The following DCDC1 variants were observed in gnomAD, a reference collection of about 807,000 sequenced individuals.
The protein encoded by DCDC1 is doublecortin domain-containing protein 1.
Under a neutral mutation model 178.3 loss-of-function variants are expected in DCDC1, and 200 were observed. The observed-to-expected ratio is 1.12, with a 90% CI of 1.00 to 1.26. DCDC1 has a LOEUF of 1.26. Among genes scored for constraint, DCDC1 ranks in the 50% most tolerant of loss-of-function variants. The pLI is 0.00. For missense variants in DCDC1, 1,983 were observed against 1,749.2 expected, an observed-to-expected ratio of 1.13 and a Z score of -2.38; for synonymous variants, 690 against 604.8, an observed-to-expected ratio of 1.14 and a Z score of -2.07.
At chr11:31,280,467 G>A (rs948362911) in intron 7 of DCDC1, among the ~76,000 whole-genome samples, 20 of 152,076 alleles carry the variant, frequency 1.3e-4, no homozygotes, top group Non-Finnish European at 2.6e-4. Context: ...TACTGAATTC[G>A]AATTACTATT....
chr11:31,308,367 C>T (rs1948582580), intron 3 of DCDC1, among the ~76,000 whole-genome samples: 1 of 152,212 alleles, frequency 6.6e-6, no homozygotes, highest in Non-Finnish European at 1.5e-5. Context: ...CCTCAAGAAA[C>T]TTGCAAACAA....
chr11:31,350,514 T>C (rs2133292364), intron 1 of DCDC1, among the ~76,000 whole-genome samples: 1 of 152,218 alleles, frequency 6.6e-6, no homozygotes, highest in East Asian at 1.9e-4. Flanking sequence ...CATATCCAAT[T>C]ATCTTGAAAA....
chr11:30,900,881 A>G (rs1944613416), intron 32 of DCDC1, among the ~76,000 whole-genome samples: 1 of 152,146 alleles, frequency 6.6e-6, no homozygotes, highest in Non-Finnish European at 1.5e-5. Flanking sequence ...TTTTAAATGA[A>G]TAATAATATC....
Position 31,000,730 on chromosome 11 carries a change from T to A in DCDC1, c.2592-48162A>T, listed in dbSNP as rs535156922. On this transcript the variant is annotated intron_variant, in intron 20 of 38. Coordinates refer to ENST00000684477, the MANE Select transcript of DCDC1 (RefSeq NM_001387274.1). ...ATTGTTTTTTTTCTAATACTATGTTTAAAAAAAAAAGCATGTCCAGGACTG... is the reference window on the plus strand; with the variant it reads ...ATTGTTTTTTTTCTAATACTATGTTAAAAAAAAAAAGCATGTCCAGGACTG... 3.4e-5 allele frequency among the ~76,000 whole-genome samples: 5 copies of A among 147,888 alleles called. No individual in the cohort carries two copies. In the South Asian group the frequency reaches 1.1e-3, roughly 32 times the overall value.
At chr11:30,925,646 T>A (rs553529044) in intron 22 of DCDC1, among the ~76,000 whole-genome samples, 9 of 152,148 alleles carry the variant, frequency 5.9e-5, no homozygotes, top group Non-Finnish European at 1.3e-4. Context: ...CCTTCCAGGG[T>A]TTCTGTGAAG....
chr11:31,141,508 C>A (rs1963827628), intron 9 of DCDC1, among the ~76,000 whole-genome samples: 1 of 151,974 alleles, frequency 6.6e-6, no homozygotes, highest in African/African-American at 2.4e-5. Context: ...ATCAACATGA[C>A]CCAACAAGAA....
chr11:31,055,368 T>C (rs972124547), intron 20 of DCDC1, among the ~76,000 whole-genome samples: 4 of 152,172 alleles, frequency 2.6e-5, no homozygotes, highest in African/African-American at 9.7e-5. Flanking sequence ...AGGGAACACT[T>C]CTACACTGCT....
intron 36 of DCDC1, among the ~76,000 whole-genome samples, chr11:30,888,086 A>AG (rs1565029482): frequency 9.8e-5 from 11 of 112,770 alleles, no homozygotes; most frequent in African/African-American, 1.4e-4. Flanking sequence ...GAGAGAGAGA[A>AG]AGAAAGAAAG....
chr11:31,195,627 G>C (rs774819818), intron 9 of DCDC1, among the ~76,000 whole-genome samples: 44 of 151,966 alleles, frequency 2.9e-4, no homozygotes, highest in Admixed American at 6.6e-4. Context: ...GGATCCCTTG[G>C]TTTTTCTTTC....
chr11:30,919,786 C>A (rs1946119440), intron 25 of DCDC1, among the ~76,000 whole-genome samples: 1 of 152,200 alleles, frequency 6.6e-6, no homozygotes, highest in South Asian at 2.1e-4. Flanking sequence ...AAATTAGTTT[C>A]ACAATTATTG....
chr11:31,123,646 G>A (rs888902179), intron 11 of DCDC1, among the ~76,000 whole-genome samples: 1 of 151,968 alleles, frequency 6.6e-6, no homozygotes, highest in Non-Finnish European at 1.5e-5. Context: ...TGTGGAAGAG[G>A]AACTTATTTT....
chr11:30,943,476 T>C, intron 21 of DCDC1: 1 of 320,518 alleles, frequency 3.1e-6, no homozygotes, highest in Admixed American at 4.1e-5. Flanking sequence ...TTAATTTAGA[T>C]ACTTTAAAAT....
chr11:31,100,693 A>G lies in DCDC1; in HGVS notation c.1983+1484T>C, dbSNP rs1387047044. 2.0e-5 allele frequency among the ~76,000 whole-genome samples: 3 copies of G among 152,208 alleles called. No individual in the cohort carries two copies. In the East Asian group the frequency reaches 5.8e-4, roughly 29 times the overall value. On this transcript the variant is annotated intron_variant, in intron 15 of 38. Coordinates refer to ENST00000684477, the MANE Select transcript of DCDC1 (RefSeq NM_001387274.1). The stretch of plus-strand genomic sequence containing the variant: ...TGTAATGTACAGTATACAGAGCAAG[A>G]GGAGAAAATTGGAAAGGTAAGTTGA...
At chr11:30,979,795 G>A (rs1160543244) in intron 20 of DCDC1, among the ~76,000 whole-genome samples, 1 of 152,184 alleles carries the variant, frequency 6.6e-6, no homozygotes, top group Non-Finnish European at 1.5e-5. Context: ...GTTCAAGTGT[G>A]ACTGTCATAA....
Position 31,137,676 on chromosome 11 carries a change from A to T in DCDC1, c.1314+16T>A. On this transcript the variant is annotated intron_variant, in intron 10 of 38. Transcript: ENST00000684477. ...ATTGCAGTTTTAAAATACAGTTTAC[A>T]AAGTAATTTCCTTACTTCTTCCTGT... is the stretch of plus-strand genomic sequence containing the variant. 1.4e-6 allele frequency: 1 copy of T among 701,970 alleles called. No homozygotes were observed. Among genetic ancestry groups the T allele is most frequent in the South Asian group, 1.5e-5 (1 of 67,426 alleles). The allele number at this position is 701,970 out of a possible 1,614,324, so 43.5% of individuals were successfully genotyped here. A position where few individuals can be genotyped will look rare whatever the true frequency, so the allele number is the denominator to read the frequency against.
At chr11:30,948,418 G>T (rs1161598324) in intron 21 of DCDC1, among the ~76,000 whole-genome samples, 2 of 152,100 alleles carry the variant, frequency 1.3e-5, no homozygotes, top group African/African-American at 4.8e-5. Flanking sequence ...TCGTGAAAAT[G>T]GCCATACTGC....
chr11:30,967,616 A>AGGT (rs1468169993), intron 20 of DCDC1, among the ~76,000 whole-genome samples: 1 of 152,176 alleles, frequency 6.6e-6, no homozygotes, highest in African/African-American at 2.4e-5. Context: ...GCCTAGTCTA[A>AGGT]GGTGGTTCTG....
rs1468033642 is a variant in DCDC1 at position 30,956,266 on chromosome 11, C to A, written c.2592-3698G>T. ...GCCCATGCTGGTCTCAAAGTCTTGG[C>A]CTCAGGTAATTCTCCCACCTTGGCC... On this transcript the variant is annotated intron_variant, in intron 20 of 38. Coordinates refer to ENST00000684477, the MANE Select transcript of DCDC1 (RefSeq NM_001387274.1). Among the ~76,000 whole-genome samples, 3 of 152,010 alleles carry A rather than the reference C, an allele frequency of 2.0e-5. No homozygotes were observed. In the East Asian group the frequency reaches 5.8e-4, roughly 29 times the overall value.
intron 7 of DCDC1, among the ~76,000 whole-genome samples, chr11:31,267,675 C>T (rs935531175): frequency 3.3e-5 from 5 of 152,170 alleles, no homozygotes; most frequent in Admixed American, 1.3e-4. Flanking sequence ...GTGACTACTG[C>T]CCACAAGTTC....
Sources: gnomAD v4.1 joint callset for allele counts (sites outside exome capture counted in the v4.1 genomes callset) on GRCh38, gnomAD v4.1.1 for gene constraint, MANE v1.5 for transcripts, NCBI Gene and HGNC (gene_info 2026-07-23, HGNC 2026-07-21) for gene names.